Variants in CADM2 observed in about 807,000 individuals in gnomAD.
CADM2 encodes the protein immunoglobulin superfamily member 4D.
A neutral mutation model predicts 49.8 loss-of-function variants in CADM2; 12 were observed. The observed-to-expected ratio is 0.24, with a 90% CI of 0.15 to 0.39. The LOEUF is 0.39. CADM2 is among the 10% of genes least tolerant of loss of function. The probability of loss-of-function intolerance (pLI) is 1.00; values close to 1 mark genes in which losing one functional copy is unlikely to be tolerated. For synonymous variants in CADM2, 214 were observed against 175.4 expected (o/e 1.22, Z -1.74); for missense variants, 378 against 492.3 (o/e 0.77, Z 2.20).
chr3:85,952,078 A>G (rs1293094879), intron 7 of CADM2, among the ~76,000 whole-genome samples: 1 of 150,932 alleles, frequency 6.6e-6, no homozygotes, highest in African/African-American at 2.4e-5. Context: ...ATTAGAAAAA[A>G]AAATGAGACT....
chr3:85,394,248 A>C (rs1165206945), intron 1 of CADM2, among the ~76,000 whole-genome samples: 1 of 152,168 alleles, frequency 6.6e-6, no homozygotes, highest in Non-Finnish European at 1.5e-5. Flanking sequence ...CAGAGGTATA[A>C]ATTACTACAT....
At chr3:86,027,558 A>G (rs1417103844) in intron 8 of CADM2, among the ~76,000 whole-genome samples, 3 of 152,118 alleles carry the variant, frequency 2.0e-5, no homozygotes, top group Non-Finnish European at 2.9e-5. Context: ...CAAAACATCC[A>G]TTTCCTTATA....
intron 1 of CADM2, among the ~76,000 whole-genome samples, chr3:85,710,424 C>A (rs986857979): frequency 3.3e-5 from 5 of 152,074 alleles, no homozygotes; most frequent in African/African-American, 1.2e-4. Flanking sequence ...TGTCCCAGAA[C>A]ATTATCATAT....
intron 8 of CADM2, among the ~76,000 whole-genome samples, chr3:85,989,093 T>C (rs1252260965): frequency 6.6e-6 from 1 of 152,160 alleles, no homozygotes; most frequent in East Asian, 1.9e-4. Context: ...TTAAAAATAT[T>C]AATTTTAAGC....
chr3:84,970,681 T>G (rs981784653), intron 1 of CADM2, among the ~76,000 whole-genome samples: 1 of 152,000 alleles, frequency 6.6e-6, no homozygotes, highest in Non-Finnish European at 1.5e-5. Context: ...ACTAGCAAAA[T>G]TTATTAAGGA....
At chr3:85,512,723 T>A (rs1286070830) in intron 1 of CADM2, among the ~76,000 whole-genome samples, 1 of 152,042 alleles carries the variant, frequency 6.6e-6, no homozygotes, top group African/African-American at 2.4e-5. Flanking sequence ...ATACTTCATA[T>A]ACACATTGAT....
At chr3:84,984,401 T>C (rs927426294) in intron 1 of CADM2, among the ~76,000 whole-genome samples, 13 of 145,034 alleles carry the variant, frequency 9.0e-5, no homozygotes, top group Non-Finnish European at 1.3e-4. Context: ...GAGGCTGTCC[T>C]TAACCCCTCC....
rs191782380 is a variant in CADM2 at position 85,427,763 on chromosome 3, T to C, written c.62-298759T>C. Among the ~76,000 whole-genome samples the C allele has an allele frequency of 2.8e-4, 43 of 152,264 alleles. 1 individual carries two copies. The East Asian group carries it at 8.3e-3, about 29-fold the overall frequency. On this transcript the variant is annotated intron_variant, in intron 1 of 9. Coordinates refer to ENST00000383699, the MANE Select transcript of CADM2 (RefSeq NM_001167675.2). ...CTTCTGTCATCATTTTGAATCCGTT[T>C]AAATCTCTGTGTGCAGACTATTTAA... is the stretch of plus-strand genomic sequence containing the variant.
intron 1 of CADM2, among the ~76,000 whole-genome samples, chr3:85,588,265 T>C (rs2062997542): frequency 6.6e-6 from 1 of 152,092 alleles, no homozygotes; most frequent in Non-Finnish European, 1.5e-5. Flanking sequence ...ACAGATTTTA[T>C]TCTAAAATTC....
At chr3:84,985,728 T>A (rs2032514787) in intron 1 of CADM2, among the ~76,000 whole-genome samples, 1 of 152,220 alleles carries the variant, frequency 6.6e-6, no homozygotes, top group South Asian at 2.1e-4. Flanking sequence ...TATTTTTTGC[T>A]CCTTAATAAA....
intron 1 of CADM2, among the ~76,000 whole-genome samples, chr3:85,464,566 C>T (rs62250712): frequency 0.49 from 74,505 of 151,984 alleles, 21,949 homozygotes; most frequent in East Asian, 0.83. Context: ...AATTTCTCCC[C>T]GCTAAGTCTA....
chr3:85,237,794 T>C (rs1237773450), intron 1 of CADM2, among the ~76,000 whole-genome samples: 1 of 151,852 alleles, frequency 6.6e-6, no homozygotes, highest in South Asian at 2.1e-4. Flanking sequence ...TCAAGATACA[T>C]GTTGGTAGTT....
At chr3:85,093,921 G>T (rs2037696246) in intron 1 of CADM2, among the ~76,000 whole-genome samples, 1 of 152,054 alleles carries the variant, frequency 6.6e-6, no homozygotes, top group African/African-American at 2.4e-5. Flanking sequence ...GTAAAAGATT[G>T]AAGGTAAGGT....
chr3:85,748,683 G>T (rs1376245633), intron 2 of CADM2, among the ~76,000 whole-genome samples: 2 of 152,044 alleles, frequency 1.3e-5, no homozygotes, highest in African/African-American at 2.4e-5. Flanking sequence ...CATTTAGGGG[G>T]GTTTCCTTTA....
intron 1 of CADM2, among the ~76,000 whole-genome samples, chr3:85,721,593 C>T (rs1005130347): frequency 5.9e-5 from 9 of 152,150 alleles, no homozygotes; most frequent in Non-Finnish European, 7.4e-5. Context: ...CTCCAGGTGC[C>T]GGCATGGGCA....
intron 1 of CADM2, among the ~76,000 whole-genome samples, chr3:85,105,294 C>A (rs988942018): frequency 2.6e-5 from 4 of 152,124 alleles, no homozygotes; most frequent in Admixed American, 6.5e-5. Flanking sequence ...AGGACATGAA[C>A]AGACACTTCT....
At chr3:85,385,196 A>G (rs187181337) in intron 1 of CADM2, among the ~76,000 whole-genome samples, 3 of 152,298 alleles carry the variant, frequency 2.0e-5, no homozygotes, top group Admixed American at 6.5e-5. Context: ...CAGCCTCCCA[A>G]AGTTCTGGGA....
intron 2 of CADM2, among the ~76,000 whole-genome samples, chr3:85,778,325 A>T (rs145794365): frequency 6.0e-4 from 92 of 152,262 alleles, no homozygotes; most frequent in African/African-American, 2.1e-3. Context: ...GCTCATTTTA[A>T]AAAATTATTC....
At chr3:85,942,322 G>GT (rs11344847) in intron 7 of CADM2, among the ~76,000 whole-genome samples, 27 of 151,370 alleles carry the variant, frequency 1.8e-4, no homozygotes, top group East Asian at 1.4e-3. Flanking sequence ...ATGCCAAATT[G>GT]TTTTTTTTTG....
Sources: allele counts gnomAD v4.1 joint callset (sites outside exome capture counted in the v4.1 genomes callset), GRCh38; gene constraint gnomAD v4.1.1; transcripts MANE v1.5; gene names NCBI Gene and HGNC (gene_info 2026-07-23, HGNC 2026-07-21).